CXCL14: variants seen among roughly 807,000 people sequenced by gnomAD.
CXCL14 encodes C-X-C motif chemokine 14.
In CXCL14, 9 loss-of-function variants were observed where a neutral mutation model predicts 16.1. The observed-to-expected ratio is 0.56, with a 90% CI of 0.34 to 0.97. The LOEUF (loss-of-function observed/expected upper bound fraction) is 0.97. Ranked by LOEUF, CXCL14 falls within the 50% of genes least tolerant of loss-of-function variation. CXCL14 has a pLI of 0.02. For synonymous variants in CXCL14, 55 were observed against 52.8 expected (o/e 1.04, Z -0.18); for missense variants, 111 against 132.5 (o/e 0.84, Z 0.80).
At position 135,571,741 on chromosome 5, in the gene CXCL14, GCTTTTTTTTTTTTTTTTTTTTTTT is replaced by G; in HGVS notation, c.*88_*111del. ...TGTCTTATGCCTGTGAGAAAGAAAG[GCTTTTTTTTTTTTTTTTTTTTTTT>G]TTTTTTTTTTTTTTTTTTTTAATCT... On this transcript the variant is annotated 3_prime_UTR_variant, in exon 4 of 4. Transcript: ENST00000512158. 1.6e-6 allele frequency: 1 copy of G among 636,422 alleles called. No homozygotes were observed. Among genetic ancestry groups the G allele is most frequent in the Non-Finnish European group, 2.3e-6 (1 of 430,866 alleles). 39.4% of individuals were successfully genotyped at this position (636,422 alleles called of 1,614,324 possible). A position where few individuals can be genotyped will look rare whatever the true frequency, so the allele number is the denominator to read the frequency against.
intron 2 of CXCL14, among the ~76,000 whole-genome samples, chr5:135,576,805 A>G (rs893685399): frequency 4.0e-5 from 6 of 151,524 alleles, no homozygotes; most frequent in Non-Finnish European, 7.4e-5. Flanking sequence ...AAGCTGGAAA[A>G]TTTGCTTTTG....
intron 3 of CXCL14, 88 bp from the exon 4 acceptor site, chr5:135,571,956 G>T: frequency 1.5e-6 from 2 of 1,349,820 alleles, no homozygotes; most frequent in Non-Finnish European, 2.1e-6. Context: ...ATTCACGTCT[G>T]GTCTGCAGGG....
intron 3 of CXCL14, among the ~76,000 whole-genome samples, chr5:135,573,010 C>T (rs965553967): frequency 6.6e-6 from 1 of 151,888 alleles, no homozygotes; most frequent in Non-Finnish European, 1.5e-5. Flanking sequence ...TAGTGAGAGG[C>T]TCTCGTTGCT....
chr5:135,577,355 C>T (rs1751118848), intron 2 of CXCL14, among the ~76,000 whole-genome samples: 1 of 152,188 alleles, frequency 6.6e-6, no homozygotes, highest in African/African-American at 2.4e-5. Context: ...TGAATTTGGT[C>T]TGCAAGGCAA....
intron 2 of CXCL14, among the ~76,000 whole-genome samples, chr5:135,575,268 G>A (rs1751081753): frequency 6.6e-6 from 1 of 152,152 alleles, no homozygotes; most frequent in Admixed American, 6.5e-5. Flanking sequence ...CCTTGTGGGA[G>A]GTCCCAGGTA....
rs776655717 is a variant in CXCL14, at chr5:135,578,839, C to G, written c.-61G>C. The G allele has an allele frequency of 6.8e-7, 1 of 1,469,570 alleles. No homozygotes were observed. The highest frequency in any genetic ancestry group is 2.8e-5 in the Admixed American group (1 of 35,416). 91.0% of individuals were successfully genotyped at this position (1,469,570 alleles called of 1,614,324 possible). A position where few individuals can be genotyped will look rare whatever the true frequency, so the allele number is the denominator to read the frequency against. On this transcript the variant is annotated 5_prime_UTR_variant, in exon 1 of 4. Transcript: ENST00000512158. ...TGGGGAGGGCGCTGGCCCGTCGGAG[C>G]GGCGGCCCGGAGACGCCACCCAGCT...
intron 3 of CXCL14, among the ~76,000 whole-genome samples, chr5:135,572,248 C>T (rs1343918935): frequency 6.6e-6 from 1 of 152,226 alleles, no homozygotes; most frequent in Non-Finnish European, 1.5e-5. Flanking sequence ...GGGCTGCTCC[C>T]ACACCTCCTT....
At chr5:135,577,292 C>T (rs995127483) in intron 2 of CXCL14, among the ~76,000 whole-genome samples, 3 of 152,116 alleles carry the variant, frequency 2.0e-5, no homozygotes, top group Non-Finnish European at 4.4e-5. Flanking sequence ...AGCTCCTTTC[C>T]CAGCTCATTT....
chr5:135,572,329 T>C (rs995122697), intron 3 of CXCL14, among the ~76,000 whole-genome samples: 12 of 152,232 alleles, frequency 7.9e-5, no homozygotes, highest in Admixed American at 5.2e-4. Context: ...ATTCCCTTAC[T>C]TGACTTAGGC....
chr5:135,578,612 C>G lies in CXCL14; in HGVS notation c.65-73G>C, dbSNP rs1404348429. ...CCCCTCGACCACCTTGGTGCCCACC[C>G]AGACCACCCCCCGCGGGATCCCAGG... On this transcript the variant is annotated intron_variant, in intron 1 of 3. Coordinates refer to ENST00000512158, the MANE Select transcript of CXCL14 (RefSeq NM_004887.5). The G allele has an allele frequency of 2.5e-6, 4 of 1,595,226 alleles. No individual in the cohort carries two copies. In the East Asian group the frequency reaches 6.7e-5, roughly 27 times the overall value.
At chr5:135,571,964 G>T in intron 3 of CXCL14, 96 bp from the exon 4 acceptor site, 2 of 1,268,924 alleles carry the variant, frequency 1.6e-6, no homozygotes, top group Non-Finnish European at 1.1e-6. Context: ...CTGGTCTGCA[G>T]GGAATGCCCC....
chr5:135,574,547 G>A (rs770874370), intron 3 of CXCL14, 25 bp downstream of exon 3: 2 of 1,596,124 alleles, frequency 1.3e-6, no homozygotes, highest in East Asian at 2.2e-5. Context: ...TGGTGGGAAG[G>A]AAGGTGAGTA....
At chr5:135,575,588 T>C (rs1441215171) in intron 2 of CXCL14, among the ~76,000 whole-genome samples, 2 of 152,220 alleles carry the variant, frequency 1.3e-5, no homozygotes, top group African/African-American at 4.8e-5. Context: ...CAATTAACAG[T>C]TACTGTTACT....
rs566365690 is a variant in CXCL14 at position 135,571,742 on chromosome 5, CTTTTTTTTTTTTTTTTTTTTTTTT to C, written c.*87_*110del. The C allele has an allele frequency of 0.075, 34,172 of 458,476 alleles. 800 individuals carry two copies. Among genetic ancestry groups the C allele is most frequent in the East Asian group, 0.097 (1,944 of 19,976 alleles). The allele number at this position is 458,476 out of a possible 1,614,324, so 28.4% of individuals were successfully genotyped here. The stretch of plus-strand genomic sequence containing the variant: ...GTCTTATGCCTGTGAGAAAGAAAGG[CTTTTTTTTTTTTTTTTTTTTTTTT>C]TTTTTTTTTTTTTTTTTTTAATCTG... On this transcript the variant is annotated 3_prime_UTR_variant, in exon 4 of 4. Coordinates refer to ENST00000512158, the MANE Select transcript of CXCL14 (RefSeq NM_004887.5).
chr5:135,574,526 A>C lies in CXCL14; in HGVS notation c.284+46T>G, dbSNP rs758432200. The C allele has an allele frequency of 1.8e-5, 27 of 1,521,242 alleles. No individual in the cohort carries two copies. In the Admixed American group the frequency reaches 4.4e-4, roughly 25 times the overall value. The allele number at this position is 1,521,242 out of a possible 1,614,324, so 94.2% of individuals were successfully genotyped here. ...GGGGTCCCTTCCCATCCTGAGAGCC[A>C]CAGCTGGGTCTGGTGGGAAGGAAGG... On this transcript the variant is annotated intron_variant, in intron 3 of 3. Coordinates refer to ENST00000512158, the MANE Select transcript of CXCL14 (RefSeq NM_004887.5).
chr5:135,573,925 G>A (rs1751060255), intron 3 of CXCL14, among the ~76,000 whole-genome samples: 2 of 152,268 alleles, frequency 1.3e-5, no homozygotes, highest in African/African-American at 4.8e-5. Flanking sequence ...AGGAAACAGT[G>A]CCCAGTAAGT....
At chr5:135,577,446 T>TC (rs1425843726) in intron 2 of CXCL14, among the ~76,000 whole-genome samples, 3 of 152,212 alleles carry the variant, frequency 2.0e-5, no homozygotes, top group African/African-American at 7.2e-5. Flanking sequence ...ATTTCTGAAT[T>TC]CCCCTAATTT....
In CXCL14 at chr5:135,574,762, C is replaced by T. The variant is rs999139888; in HGVS notation, c.171-77G>A. On this transcript the variant is annotated intron_variant, in intron 2 of 3. Coordinates refer to ENST00000512158, the MANE Select transcript of CXCL14 (RefSeq NM_004887.5). ...GCCTCTTGTGTGGCCTGTGAGTAGC[C>T]CTGGGCTAAGTCAGGGCCCTGAGAG... The T allele has an allele frequency of 7.2e-6, 9 of 1,250,844 alleles. No individual in the cohort carries two copies. The African/African-American group carries it at 7.4e-5, about 10-fold the overall frequency. 77.5% of individuals were successfully genotyped at this position (1,250,844 alleles called of 1,614,324 possible). A position where few individuals can be genotyped will look rare whatever the true frequency, so the allele number is the denominator to read the frequency against.
rs201892159 is a variant in CXCL14, at chr5:135,571,820, G to A, written c.*33C>T. ...AGTCCTTTGCACAAGTCTCCCAACTGGTTTGGAGTTTTCCCTTCTGAGGTT... is the reference window on the plus strand; with the variant it reads ...AGTCCTTTGCACAAGTCTCCCAACTAGTTTGGAGTTTTCCCTTCTGAGGTT... On this transcript the variant is annotated 3_prime_UTR_variant, in exon 4 of 4. Transcript: ENST00000512158. 3.0e-5 allele frequency: 43 copies of A among 1,417,618 alleles called. No homozygotes were observed. In the East Asian group the frequency reaches 1.4e-3, roughly 45 times the overall value. 87.8% of individuals were successfully genotyped at this position (1,417,618 alleles called of 1,614,324 possible).
Sources: gnomAD v4.1 joint callset for allele counts (sites outside exome capture counted in the v4.1 genomes callset) on GRCh38, gnomAD v4.1.1 for gene constraint, MANE v1.5 for transcripts, NCBI Gene and HGNC (gene_info 2026-07-23, HGNC 2026-07-21) for gene names.